Variants in PIK3R3 observed in about 807,000 individuals in gnomAD.
PIK3R3 encodes phosphatidylinositol 3-kinase regulatory subunit gamma.
Under a neutral mutation model 62.9 loss-of-function variants are expected in PIK3R3, and 64 were observed. The ratio of observed to expected loss-of-function variants is 1.02; its 90% confidence interval spans 0.83 to 1.25. PIK3R3 has a LOEUF of 1.25. Ranked by LOEUF, PIK3R3 falls within the 50% of genes most tolerant of loss-of-function variation. The pLI, the probability that PIK3R3 is intolerant of heterozygous loss-of-function variation, is 0.00. For missense variants in PIK3R3, 614 were observed against 561.6 expected (o/e 1.09, Z -0.94); for synonymous variants, 165 against 189.0 (o/e 0.87, Z 1.04).
At chr1:46,069,555 A>G (rs1429683198) in intron 3 of PIK3R3, among the ~76,000 whole-genome samples, 2 of 152,048 alleles carry the variant, frequency 1.3e-5, no homozygotes, top group Non-Finnish European at 2.9e-5. Context: ...AGGGGGAAAA[A>G]GTTTGGTTTT....
the PIK3R3 span, among the ~76,000 whole-genome samples, chr1:46,139,328 G>A: frequency 2.0e-5 from 3 of 150,760 alleles, no homozygotes; most frequent in East Asian, 1.9e-4. Flanking sequence ...TTTTTGAGAC[G>A]GAGTTTCACT....
At chr1:46,114,646 C>G (rs1654019213) in intron 1 of PIK3R3, among the ~76,000 whole-genome samples, 1 of 152,030 alleles carries the variant, frequency 6.6e-6, no homozygotes, top group African/African-American at 2.4e-5. Context: ...TCTCTGTCAT[C>G]TAGGCTGGAG....
intron 3 of PIK3R3, among the ~76,000 whole-genome samples, chr1:46,071,923 A>C (rs1351283247): frequency 1.3e-5 from 2 of 151,412 alleles, no homozygotes; most frequent in African/African-American, 4.9e-5. Context: ...TCTTCTTCAC[A>C]AACTTTATCT....
rs1035187454 is a variant in PIK3R3, at chr1:46,121,887, T to C, written c.106+9960A>G. On this transcript the variant is annotated intron_variant, in intron 1 of 9. Coordinates refer to ENST00000262741, the MANE Select transcript of PIK3R3 (RefSeq NM_003629.4). ...TCATACTGATATGCGACATGCAAAATGGTATGATTTGGCAGGCTGGACGTA... is the reference window on the plus strand; with the variant it reads ...TCATACTGATATGCGACATGCAAAACGGTATGATTTGGCAGGCTGGACGTA... Among the ~76,000 whole-genome samples, 11 of 152,022 alleles carry C rather than the reference T, an allele frequency of 7.2e-5. No homozygotes were observed. In the East Asian group the frequency reaches 2.1e-3, roughly 29 times the overall value.
chr1:46,138,537 G>A, the PIK3R3 span, among the ~76,000 whole-genome samples: 1 of 152,138 alleles, frequency 6.6e-6, no homozygotes, highest in Non-Finnish European at 1.5e-5. Flanking sequence ...GTGTGCTCCT[G>A]TAGTCCCAGC....
At chr1:46,130,725 A>G (rs1445491330) in intron 1 of PIK3R3, among the ~76,000 whole-genome samples, 4 of 152,232 alleles carry the variant, frequency 2.6e-5, no homozygotes, top group Non-Finnish European at 4.4e-5. Context: ...CCAATGACAC[A>G]CATTTTATTC....
chr1:46,112,017 T>G (rs1250258183), intron 1 of PIK3R3, among the ~76,000 whole-genome samples: 1 of 152,182 alleles, frequency 6.6e-6, no homozygotes, highest in Admixed American at 6.5e-5. Flanking sequence ...CCTAACATAC[T>G]ATATATTCAC....
chr1:46,081,578 T>C (rs770722640), intron 1 of PIK3R3, among the ~76,000 whole-genome samples: 1 of 152,150 alleles, frequency 6.6e-6, no homozygotes, highest in Non-Finnish European at 1.5e-5. Flanking sequence ...AGTTTCATCC[T>C]GAAACCAATA....
Position 46,067,047 on chromosome 1 carries a change from C to T in PIK3R3, c.359G>A (p.Gly120Asp), listed in dbSNP as rs1169733481. The change falls in exon 4 of 10, where the codon GGT (glycine) becomes GAT (aspartate). Residue 120 changes from glycine to aspartate, a missense_variant. Gly to Asp is a moderately conservative substitution (Grantham distance 94). Transcript: ENST00000262741. Reference sequence around the variant, plus strand: ...CAGAGGATCAGAAAAGCCATATTTACCATCCCGGTGATAGATCTTTATTAA... The same window carrying T: ...CAGAGGATCAGAAAAGCCATATTTATCATCCCGGTGATAGATCTTTATTAA... ...NKLIKIYHRD[G>D]KYGFSDPLTF... 6.2e-7 allele frequency: 1 copy of T among 1,600,900 alleles called. No homozygotes were observed. Among genetic ancestry groups the T allele is most frequent in the Non-Finnish European group, 8.5e-7 (1 of 1,174,564 alleles).
Position 46,055,825 on chromosome 1 carries a change from TG to T in PIK3R3, c.910del (p.Gln304SerfsTer18). 7.0e-7 allele frequency: 1 copy of T among 1,424,444 alleles called. No individual in the cohort carries two copies. The highest frequency in any genetic ancestry group is 9.3e-7 in the Non-Finnish European group (1 of 1,080,356). 88.2% of individuals were successfully genotyped at this position (1,424,444 alleles called of 1,614,324 possible). ...KMNSIKPDLI[Q>X]LRKIRDQHLV... ...GTGTTGATCTCGGATCTTTCGCAGC[TG>T]GATCAGGTCAGGTTTGATGCTATTC... On this transcript the variant is annotated frameshift_variant, in exon 7 of 10. Coordinates refer to ENST00000262741, the MANE Select transcript of PIK3R3 (RefSeq NM_003629.4). LOFTEE classifies it high-confidence loss of function.
intron 1 of PIK3R3, among the ~76,000 whole-genome samples, chr1:46,091,863 T>C (rs1241981592): frequency 6.6e-6 from 1 of 152,260 alleles, no homozygotes; most frequent in African/African-American, 2.4e-5. Flanking sequence ...TCTAGATTAC[T>C]TGTATCTAAT....
At position 46,105,802 on chromosome 1, in the gene PIK3R3, G is replaced by A. The variant is rs1045274029; in HGVS notation, c.107-25052C>T. On this transcript the variant is annotated intron_variant, in intron 1 of 9. Coordinates refer to ENST00000262741, the MANE Select transcript of PIK3R3 (RefSeq NM_003629.4). ...AGAGGTTGCAGTGAGCCAAGATTGCGCCACTTCACTCCAGCCTAGCCAAAA... is the reference window on the plus strand; with the variant it reads ...AGAGGTTGCAGTGAGCCAAGATTGCACCACTTCACTCCAGCCTAGCCAAAA... Among the ~76,000 whole-genome samples, 5 of 152,032 alleles carry A rather than the reference G, an allele frequency of 3.3e-5. No homozygotes were observed. In the East Asian group the frequency reaches 5.8e-4, roughly 18 times the overall value.
At chr1:46,096,541 T>G (rs1222803439) in intron 1 of PIK3R3, among the ~76,000 whole-genome samples, 1 of 152,244 alleles carries the variant, frequency 6.6e-6, no homozygotes, top group East Asian at 1.9e-4. Context: ...AACAAAGTAT[T>G]TCTGTGTGTT....
rs889387061 is a variant in PIK3R3 at position 46,041,661 on chromosome 1, G to C, written c.*2012C>G. The C allele has an allele frequency of 5.3e-6, 1 of 187,738 alleles. No homozygotes were observed. Among genetic ancestry groups the C allele is most frequent in the Non-Finnish European group, 1.1e-5 (1 of 88,682 alleles). 11.6% of individuals were successfully genotyped at this position (187,738 alleles called of 1,614,324 possible). On this transcript the variant is annotated 3_prime_UTR_variant, in exon 10 of 10. Coordinates refer to ENST00000262741, the MANE Select transcript of PIK3R3 (RefSeq NM_003629.4). ...TCAACACCAGGTGCAAAGCCATCCA[G>C]GTGTGCCCAACAGCAATTAGCTTGG...
intron 1 of PIK3R3, among the ~76,000 whole-genome samples, chr1:46,103,020 C>T (rs1477534628): frequency 6.6e-6 from 1 of 152,020 alleles, no homozygotes; most frequent in African/African-American, 2.4e-5. Flanking sequence ...TCATATGCTA[C>T]AATATAACTG....
intron 1 of PIK3R3, among the ~76,000 whole-genome samples, chr1:46,090,207 C>G (rs1272098236): frequency 6.6e-6 from 1 of 152,182 alleles, no homozygotes; most frequent in Admixed American, 6.5e-5. Flanking sequence ...TCTCACCTCT[C>G]TGAACCTTAA....
chr1:46,077,723 G>A, intron 2 of PIK3R3, 110 bp from the exon 3 acceptor site: 2 of 673,456 alleles, frequency 3.0e-6, no homozygotes, highest in South Asian at 1.7e-5. Context: ...CAGTAGGTGT[G>A]CCTGAGGTTA....
chr1:46,161,710 C>CA, the PIK3R3 span, among the ~76,000 whole-genome samples: 1 of 151,846 alleles, frequency 6.6e-6, no homozygotes, highest in African/African-American at 2.4e-5. Flanking sequence ...ATAGCCACTG[C>CA]ACTCCTGTCT....
intron 1 of PIK3R3, among the ~76,000 whole-genome samples, chr1:46,122,432 C>T (rs771777466): frequency 1.1e-4 from 16 of 152,100 alleles, no homozygotes; most frequent in Non-Finnish European, 1.5e-4. Context: ...TGCAGTGGCG[C>T]GATCTCAGCT....
Sources: allele counts gnomAD v4.1 joint callset (sites outside exome capture counted in the v4.1 genomes callset), GRCh38; gene constraint gnomAD v4.1.1; transcripts MANE v1.5; gene names NCBI Gene and HGNC (gene_info 2026-07-23, HGNC 2026-07-21).